The following MCF2L variants were observed in gnomAD, a reference collection of about 807,000 sequenced individuals.
MCF2L encodes MCF.2 cell line derived transforming sequence like, also known as guanine nucleotide exchange factor DBS.
In MCF2L, 97 loss-of-function variants were observed where a neutral mutation model predicts 153.4. That is an observed-to-expected ratio of 0.63 (90% CI 0.54 to 0.75). MCF2L has a LOEUF of 0.75. Among genes scored for constraint, MCF2L ranks in the 30% least tolerant of loss-of-function variants. The pLI, the probability that MCF2L is intolerant of heterozygous loss-of-function variation, is 0.00. For missense variants in MCF2L, 1,347 were observed against 1,495.2 expected (o/e 0.90, Z 1.64); for synonymous variants, 659 against 632.2 (o/e 1.04, Z -0.64).
intron 1 of MCF2L, among the ~76,000 whole-genome samples, chr13:113,008,257 A>T (rs2317137): frequency 1.3e-5 from 2 of 152,096 alleles, no homozygotes; most frequent in African/African-American, 2.4e-5. Context: ...GAATTTATTT[A>T]GGCTTGACTG....
intron 3 of MCF2L, among the ~76,000 whole-genome samples, chr13:113,032,272 T>C (rs1247061192): frequency 3.3e-5 from 5 of 152,222 alleles, no homozygotes; most frequent in Admixed American, 3.3e-4. Context: ...GGGTTTGATT[T>C]CCTATTGAAC....
intron 17 of MCF2L, among the ~76,000 whole-genome samples, 194 bp downstream of exon 17, chr13:113,082,736 T>A (rs1418805898): frequency 3.3e-5 from 5 of 152,176 alleles, no homozygotes; most frequent in African/African-American, 4.8e-5. Context: ...CGTGGCACCG[T>A]ACCTGGTGGC....
intron 26 of MCF2L, among the ~76,000 whole-genome samples, chr13:113,092,349 G>T (rs1368464816): frequency 6.6e-6 from 1 of 152,106 alleles, no homozygotes; most frequent in African/African-American, 2.4e-5. Flanking sequence ...CTGCCCGTGG[G>T]TCATTTCCAC....
chr13:113,089,759 G>A (rs754999355), intron 26 of MCF2L, 31 bp downstream of exon 26: 23 of 1,593,534 alleles, frequency 1.4e-5, no homozygotes, highest in Admixed American at 6.7e-5. Flanking sequence ...GGCCTCACAC[G>A]GAGGCCTCAC....
chr13:113,078,709 A>T lies in MCF2L; in HGVS notation c.1778A>T (p.Glu593Val). 6.2e-7 allele frequency: 1 copy of T among 1,607,796 alleles called. No homozygotes were observed. The highest frequency in any genetic ancestry group is 8.5e-7 in the Non-Finnish European group (1 of 1,178,614). ...ESRQGRGSAGEEEESLAILRR... is the reference protein window; with the variant it reads ...ESRQGRGSAGVEEESLAILRR... ...CGGCAGGGCCGCGGCTCAGCGGGGG[A>T]GGAGGAGGAAAGCCTGGCCATCCTG... The change falls in exon 15 of 30, where the codon GAG (glutamate) becomes GTG (valine). Residue 593 changes from glutamate (E) to valine (V), a missense_variant. Physicochemically the swap from Glu to Val is moderately radical, Grantham distance 121. Around this residue, in one of 3 missense-constraint regions of MCF2L, gnomAD observed 820 missense variants for 921.2 expected, o/e 0.89. Coordinates refer to ENST00000535094, the MANE Select transcript of MCF2L (RefSeq NM_001112732.3).
chr13:112,950,926 G>T (rs937057041), intron 2 of MCF2L, among the ~76,000 whole-genome samples: 7 of 152,230 alleles, frequency 4.6e-5, no homozygotes, highest in African/African-American at 1.7e-4. Context: ...GAAAGCACCT[G>T]CAAAGTGGAT....
chr13:113,089,797 C>T lies in MCF2L; in HGVS notation c.2953+69C>T, dbSNP rs150556453. The T allele has an allele frequency of 5.8e-5, 92 of 1,596,252 alleles. No homozygotes were observed. The East Asian group carries it at 2.0e-3, about 34-fold the overall frequency. The stretch of plus-strand genomic sequence containing the variant: ...GGAGCTGCTCACGGAGTGCTCACTG[C>T]ATCCGAGAAACCTGCGCTTCCTGCA... On this transcript the variant is annotated intron_variant, in intron 26 of 29. Coordinates refer to ENST00000535094, the MANE Select transcript of MCF2L (RefSeq NM_001112732.3).
intron 3 of MCF2L, chr13:113,044,983 A>C: frequency 6.8e-7 from 1 of 1,477,450 alleles, no homozygotes. Flanking sequence ...CAAATGACTG[A>C]GCTCGGGAGA....
intron 1 of MCF2L, chr13:113,010,265 C>T (rs780345955): frequency 2.0e-5 from 3 of 152,202 alleles, no homozygotes; most frequent in Admixed American, 6.5e-5. Flanking sequence ...CGCAACACCC[C>T]GCTCCTGGTT....
intron 2 of MCF2L, chr13:112,909,191 G>A (rs1241606090): frequency 1.8e-5 from 14 of 778,742 alleles, no homozygotes; most frequent in Non-Finnish European, 2.9e-5. Context: ...GCCTGTTCCC[G>A]AGGGAGCCCC....
At chr13:112,995,456 G>C (rs1594545158) in intron 1 of MCF2L, among the ~76,000 whole-genome samples, 1 of 152,240 alleles carries the variant, frequency 6.6e-6, no homozygotes, top group East Asian at 1.9e-4. Flanking sequence ...CACTGCAACT[G>C]CTGTCCTTGC....
intron 1 of MCF2L, among the ~76,000 whole-genome samples, chr13:112,978,244 A>G (rs527421678): frequency 6.6e-6 from 1 of 152,336 alleles, no homozygotes; most frequent in East Asian, 1.9e-4. Context: ...TGGGTGGCTG[A>G]GACATCGATC....
At chr13:113,071,461 A>G (rs2032911027) in intron 9 of MCF2L, among the ~76,000 whole-genome samples, 1 of 152,226 alleles carries the variant, frequency 6.6e-6, no homozygotes, top group Non-Finnish European at 1.5e-5. Flanking sequence ...TTTTGGTCCT[A>G]GATTCCAAGT....
At chr13:112,895,091 G>C (rs141296963) in intron 1 of MCF2L, among the ~76,000 whole-genome samples, 8 of 152,160 alleles carry the variant, frequency 5.3e-5, no homozygotes, top group African/African-American at 1.7e-4. Flanking sequence ...GACTCCTCCT[G>C]GGAGCTCCTT....
upstream of MCF2L, among the ~76,000 whole-genome samples, chr13:112,964,474 A>G (rs1373069203): frequency 6.6e-6 from 1 of 152,264 alleles, no homozygotes; most frequent in Non-Finnish European, 1.5e-5. Flanking sequence ...ATGTGGATGC[A>G]TGTTACCATA....
chr13:113,092,006 C>T (rs918193064), intron 26 of MCF2L, among the ~76,000 whole-genome samples: 7 of 152,204 alleles, frequency 4.6e-5, no homozygotes, highest in African/African-American at 1.2e-4. Context: ...GGAGCTGGCC[C>T]GGCGTTACTG....
chr13:113,008,109 G>A lies in MCF2L; in HGVS notation c.80-6654G>A, dbSNP rs562078590. 2.0e-5 allele frequency among the ~76,000 whole-genome samples: 3 copies of A among 152,166 alleles called. No homozygotes were observed. In the South Asian group the frequency reaches 6.2e-4, roughly 32 times the overall value. ...TTTTTGTATCTTTAGTAGGGAGGGG[G>A]TTTCGCCATGTTGACCAGGCTGGTC... On this transcript the variant is annotated intron_variant, in intron 1 of 29. Coordinates refer to ENST00000535094, the MANE Select transcript of MCF2L (RefSeq NM_001112732.3).
intron 14 of MCF2L, 101 bp downstream of exon 14, chr13:113,078,537 T>A: frequency 2.2e-6 from 3 of 1,380,258 alleles, no homozygotes; most frequent in Non-Finnish European, 3.0e-6. Context: ...ACTGCCCAGC[T>A]ACCTGGCCAG....
intron 1 of MCF2L, among the ~76,000 whole-genome samples, chr13:112,973,593 C>G (rs988474637): frequency 1.3e-5 from 2 of 152,212 alleles, no homozygotes; most frequent in Admixed American, 1.3e-4. Flanking sequence ...GAGAACGCAG[C>G]GCTCAGGCCT....
Sources: allele counts gnomAD v4.1 joint callset (sites outside exome capture counted in the v4.1 genomes callset), GRCh38; gene constraint gnomAD v4.1.1; regional missense constraint gnomAD v4.1.1; transcripts MANE v1.5; gene names NCBI Gene and HGNC (gene_info 2026-07-23, HGNC 2026-07-21).